RSPH14: variants seen among roughly 807,000 people sequenced by gnomAD.
RSPH14 encodes the protein radial spoke head 14 homolog.
A neutral mutation model predicts 26.7 loss-of-function variants in RSPH14; 20 were observed. The ratio of observed to expected loss-of-function variants is 0.75; its 90% CI spans 0.53 to 1.09. The LOEUF (loss-of-function observed/expected upper bound fraction) is 1.09. RSPH14 is among the 50% of genes least tolerant of loss of function. RSPH14 has a pLI of 0.00. For missense variants in RSPH14, 449 were observed against 457.2 expected, an observed-to-expected ratio of 0.98 and a Z score of 0.16; for synonymous variants, 177 against 189.3, an observed-to-expected ratio of 0.93 and a Z score of 0.53.
At chr22:23,080,721 G>A (rs2068653060) in intron 4 of RSPH14, among the ~76,000 whole-genome samples, 2 of 152,372 alleles carry the variant, frequency 1.3e-5, no homozygotes, top group South Asian at 4.1e-4. Flanking sequence ...ATGAATCAGT[G>A]ATGTCTTTCA....
At chr22:23,149,024 C>T (rs2070957070), upstream of RSPH14, among the ~76,000 whole-genome samples, 2 of 152,150 alleles carry the variant, frequency 1.3e-5, no homozygotes, top group Admixed American at 6.5e-5. Flanking sequence ...TGTAACTTGC[C>T]CTTTGCCAGT....
chr22:23,122,204 C>G (rs1473328146), intron 4 of RSPH14, among the ~76,000 whole-genome samples: 1 of 152,210 alleles, frequency 6.6e-6, no homozygotes, highest in Non-Finnish European at 1.5e-5. Flanking sequence ...AAGTGGTGAA[C>G]TGGGGAGTCA....
chr22:23,173,385 C>T, the RSPH14 span, among the ~76,000 whole-genome samples: 8 of 152,178 alleles, frequency 5.3e-5, no homozygotes, highest in East Asian at 3.9e-4. Context: ...CCGCCCGCCT[C>T]GGCCTCCCAA....
At chr22:23,152,980 C>A in the RSPH14 span, 1 of 1,292,166 alleles carries the variant, frequency 7.7e-7, no homozygotes, top group Admixed American at 1.7e-5. Flanking sequence ...AGTGAAGCTT[C>A]CGGGCACATT....
At chr22:23,160,867 G>T in the RSPH14 span, 1 of 1,611,820 alleles carries the variant, frequency 6.2e-7, no homozygotes, top group South Asian at 1.1e-5. Flanking sequence ...CGGCTGTCTT[G>T]TGGGCCCACA....
the RSPH14 span, among the ~76,000 whole-genome samples, chr22:23,169,229 C>A: frequency 6.6e-6 from 1 of 152,240 alleles, no homozygotes. Flanking sequence ...GCCCTCAGAT[C>A]TTTGCTCCGC....
intron 4 of RSPH14, among the ~76,000 whole-genome samples, chr22:23,109,916 C>T (rs922764325): frequency 6.6e-6 from 1 of 152,216 alleles, no homozygotes; most frequent in African/African-American, 2.4e-5. Flanking sequence ...CACCATGTGC[C>T]CTGTGCTGTC....
intron 4 of RSPH14, among the ~76,000 whole-genome samples, chr22:23,120,453 A>G (rs2069982711): frequency 6.6e-6 from 1 of 152,178 alleles, no homozygotes; most frequent in Non-Finnish European, 1.5e-5. Context: ...AGTCTGGTTT[A>G]GATCTGAGGC....
upstream of RSPH14, among the ~76,000 whole-genome samples, chr22:23,147,945 G>T (rs530016512): frequency 7.9e-5 from 12 of 152,228 alleles, no homozygotes; most frequent in Middle Eastern, 3.4e-3. Flanking sequence ...AGGGAGAAAT[G>T]TCTATTTGTT....
intron 4 of RSPH14, among the ~76,000 whole-genome samples, chr22:23,101,140 C>T (rs1360040797): frequency 2.0e-5 from 3 of 152,172 alleles, no homozygotes; most frequent in Admixed American, 2.0e-4. Flanking sequence ...CCCCAGCATA[C>T]CAGGGCTTAG....
chr22:23,123,202 G>A (rs774616807), intron 4 of RSPH14: 15 of 1,613,792 alleles, frequency 9.3e-6, no homozygotes, highest in Admixed American at 3.3e-5. Flanking sequence ...GAGAAGATCC[G>A]CCGCATCCCG....
At chr22:23,159,402 C>T in the RSPH14 span, 1 of 782,430 alleles carries the variant, frequency 1.3e-6, no homozygotes, top group Non-Finnish European at 2.0e-6. Flanking sequence ...CCCTGCTGTG[C>T]TGGTGCCTGG....
chr22:23,087,259 A>G (rs1234707442), intron 4 of RSPH14, among the ~76,000 whole-genome samples: 5 of 152,094 alleles, frequency 3.3e-5, no homozygotes, highest in Non-Finnish European at 7.4e-5. Context: ...TGAGCCCAGG[A>G]GTTCGAGACC....
chr22:23,160,650 G>A, the RSPH14 span, among the ~76,000 whole-genome samples: 2 of 152,146 alleles, frequency 1.3e-5, no homozygotes, highest in Non-Finnish European at 2.9e-5. Context: ...GTGGGAGTTG[G>A]GAGGCTGGAG....
the RSPH14 span, among the ~76,000 whole-genome samples, chr22:23,179,268 G>T: frequency 6.9e-6 from 1 of 144,614 alleles, no homozygotes; most frequent in Admixed American, 7.2e-5. Context: ...AGGAAACTGA[G>T]GCAGAGAGGG....
intron 4 of RSPH14, among the ~76,000 whole-genome samples, chr22:23,117,813 G>T (rs2069895273): frequency 6.6e-6 from 1 of 151,944 alleles, no homozygotes; most frequent in African/African-American, 2.4e-5. Context: ...TGTGTTCATG[G>T]CCAGGGACAT....
intron 4 of RSPH14, among the ~76,000 whole-genome samples, chr22:23,066,548 G>C (rs1013273894): frequency 6.6e-6 from 1 of 152,196 alleles, no homozygotes; most frequent in African/African-American, 2.4e-5. Flanking sequence ...GACAGAGGGA[G>C]AAGATTAAAA....
At chr22:23,126,034 T>G (rs907392112) in intron 4 of RSPH14, among the ~76,000 whole-genome samples, 1 of 152,310 alleles carries the variant, frequency 6.6e-6, no homozygotes, top group African/African-American at 2.4e-5. Flanking sequence ...CCTTCCTACG[T>G]CACCAAACAG....
intron 4 of RSPH14, among the ~76,000 whole-genome samples, chr22:23,118,452 T>C (rs1453893449): frequency 6.6e-6 from 1 of 152,188 alleles, no homozygotes; most frequent in East Asian, 1.9e-4. Context: ...TGGTGGTGTG[T>C]TTCTGCCTCC....
Sources: gnomAD v4.1 joint callset for allele counts (sites outside exome capture counted in the v4.1 genomes callset) on GRCh38, gnomAD v4.1.1 for gene constraint, MANE v1.5 for transcripts, NCBI Gene and HGNC (gene_info 2026-07-23, HGNC 2026-07-21) for gene names.